Variants in PSD3 observed in about 807,000 individuals in gnomAD.
PSD3 encodes the protein pleckstrin and Sec7 domain containing 3.
Under a neutral mutation model 105.5 loss-of-function variants are expected in PSD3, and 49 were observed. The observed-to-expected ratio is 0.46, with a 90% CI of 0.37 to 0.59. The LOEUF is 0.59. Ranked by LOEUF, PSD3 falls within the 20% of genes least tolerant of loss-of-function variation. The pLI is 0.00. For missense variants in PSD3, 1,561 were observed against 1,263.8 expected (o/e 1.24, Z -3.57); for synonymous variants, 557 against 457.8 (o/e 1.22, Z -2.77).
chr8:18,750,150 T>A (rs985324508), intron 9 of PSD3, among the ~76,000 whole-genome samples: 1 of 152,214 alleles, frequency 6.6e-6, no homozygotes, highest in Non-Finnish European at 1.5e-5. Flanking sequence ...TCCTATTTAA[T>A]AGTTCAAGTC....
At chr8:18,616,778 C>T (rs11775556) in intron 11 of PSD3, among the ~76,000 whole-genome samples, 85,543 of 149,668 alleles carry the variant, frequency 0.57, 24,868 homozygotes, top group Middle Eastern at 0.76. Context: ...CGCCCGCCAC[C>T]ACGCCCGGCT....
At chr8:19,004,540 T>C (rs964453430) in intron 1 of PSD3, among the ~76,000 whole-genome samples, 1 of 152,152 alleles carries the variant, frequency 6.6e-6, no homozygotes, top group Middle Eastern at 3.4e-3. Context: ...ATATATCTGA[T>C]AGGAGACTTC....
chr8:18,567,709 C>T (rs1785359440), intron 14 of PSD3, among the ~76,000 whole-genome samples: 2 of 152,188 alleles, frequency 1.3e-5, no homozygotes, highest in Non-Finnish European at 2.9e-5. Flanking sequence ...AGCACATTTT[C>T]CTCCTCCACT....
chr8:19,081,981 CA>C (rs1248584939), intron 1 of PSD3, among the ~76,000 whole-genome samples: 1 of 152,214 alleles, frequency 6.6e-6, no homozygotes, highest in Non-Finnish European at 1.5e-5. Flanking sequence ...AGGGCATTAG[CA>C]TCCACAGTGG....
Position 18,529,272 on chromosome 8 carries a change from C to T in PSD3, c.*6471G>A, listed in dbSNP as rs1799541315. The T allele has an allele frequency of 6.6e-6, 1 of 152,212 alleles. No homozygotes were observed. Among genetic ancestry groups the T allele is most frequent in the East Asian group, 1.9e-4 (1 of 5,192 alleles). The allele number at this position is 152,212 out of a possible 1,614,324, so 9.4% of individuals were successfully genotyped here. On this transcript the variant is annotated 3_prime_UTR_variant, in exon 16 of 16. Coordinates refer to ENST00000327040, the MANE Select transcript of PSD3 (RefSeq NM_015310.4). ...AAATATAATGCATCTCAAAGTCAGACACTAGAGCTCAGATTCCACCCTGGC... is the reference window on the plus strand; with the variant it reads ...AAATATAATGCATCTCAAAGTCAGATACTAGAGCTCAGATTCCACCCTGGC...
At chr8:18,869,075 T>C (rs183688824) in intron 3 of PSD3, among the ~76,000 whole-genome samples, 10 of 152,200 alleles carry the variant, frequency 6.6e-5, no homozygotes, top group African/African-American at 2.4e-4. Flanking sequence ...AGGTCACCCA[T>C]GGGACCAAAT....
intron 11 of PSD3, among the ~76,000 whole-genome samples, chr8:18,614,344 C>G (rs988352413): frequency 2.0e-5 from 3 of 150,582 alleles, no homozygotes; most frequent in African/African-American, 7.4e-5. Context: ...CCCCCATCCC[C>G]CCCCCAAAAA....
chr8:18,665,121 A>G (rs1563154947), intron 9 of PSD3, among the ~76,000 whole-genome samples: 1 of 152,204 alleles, frequency 6.6e-6, no homozygotes, highest in Non-Finnish European at 1.5e-5. Context: ...TCTACTGCCA[A>G]GTCTTATTAT....
At chr8:18,572,465 T>C (rs553444991) in intron 14 of PSD3, 63 bp downstream of exon 14, 32 of 1,564,672 alleles carry the variant, frequency 2.0e-5, no homozygotes, top group African/African-American at 2.7e-5. Flanking sequence ...CAAAGACAAA[T>C]ATTTATCACA....
At chr8:18,803,501 T>C (rs1443853488) in intron 6 of PSD3, among the ~76,000 whole-genome samples, 1 of 151,752 alleles carries the variant, frequency 6.6e-6, no homozygotes, top group East Asian at 1.9e-4. Flanking sequence ...TCCACTCATG[T>C]TCACAGCAGC....
At chr8:18,938,204 CAG>C (rs1822280286) in intron 1 of PSD3, among the ~76,000 whole-genome samples, 1 of 152,136 alleles carries the variant, frequency 6.6e-6, no homozygotes, top group African/African-American at 2.4e-5. Context: ...CAAGAAGCAG[CAG>C]AGATATCAGC....
intron 1 of PSD3, chr8:18,989,378 G>T (rs1825673863): frequency 6.6e-6 from 1 of 152,164 alleles, no homozygotes; most frequent in South Asian, 2.1e-4. Context: ...AACAAAAAGA[G>T]ACCAGAAGGA....
chr8:18,747,280 T>A (rs1585815949), intron 9 of PSD3, among the ~76,000 whole-genome samples: 1 of 152,314 alleles, frequency 6.6e-6, no homozygotes, highest in East Asian at 1.9e-4. Context: ...AATAAGCTTT[T>A]AATTAGATAT....
In PSD3 at chr8:18,908,752, T is replaced by G. The variant is rs1412170049; in HGVS notation, c.130+27282A>C. Among the ~76,000 whole-genome samples the G allele has an allele frequency of 6.6e-5, 10 of 152,332 alleles. 1 individual carries two copies. In the East Asian group the frequency reaches 1.9e-3, roughly 29 times the overall value. ...CCTCGTATGAATGTTGTCTTGCTTGTAAGTTCATTATCTCCTTATAAGCAA... is the reference window on the plus strand; with the variant it reads ...CCTCGTATGAATGTTGTCTTGCTTGGAAGTTCATTATCTCCTTATAAGCAA... On this transcript the variant is annotated intron_variant, in intron 2 of 15. Coordinates refer to ENST00000327040, the MANE Select transcript of PSD3 (RefSeq NM_015310.4).
intron 9 of PSD3, among the ~76,000 whole-genome samples, chr8:18,661,622 T>G (rs1405212182): frequency 1.3e-5 from 2 of 152,204 alleles, no homozygotes; most frequent in Non-Finnish European, 2.9e-5. Flanking sequence ...ACTCTTTTTT[T>G]GCCCCCTCCG....
intron 9 of PSD3, among the ~76,000 whole-genome samples, chr8:18,748,469 G>C (rs1231223414): frequency 6.6e-6 from 1 of 151,858 alleles, no homozygotes; most frequent in Non-Finnish European, 1.5e-5. Flanking sequence ...GACTATCCTG[G>C]CTAACACGGT....
At chr8:18,747,780 T>G (rs1805149546) in intron 9 of PSD3, among the ~76,000 whole-genome samples, 1 of 150,528 alleles carries the variant, frequency 6.6e-6, no homozygotes, top group Non-Finnish European at 1.5e-5. Flanking sequence ...AGAGAGCAAC[T>G]CCAAGAAAAG....
chr8:19,084,164 C>A (rs1240933345), intron 1 of PSD3: 1 of 408,572 alleles, frequency 2.4e-6, no homozygotes, highest in South Asian at 1.8e-5. Flanking sequence ...TGTCCCCTGG[C>A]TCCCTTTCTT....
rs375073925 is a variant in PSD3 at position 18,536,237 on chromosome 8, C to A, written c.2929-279G>T. 5.9e-5 allele frequency among the ~76,000 whole-genome samples: 9 copies of A among 152,286 alleles called. No individual in the cohort carries two copies. The East Asian group carries it at 1.2e-3, about 20-fold the overall frequency. The stretch of plus-strand genomic sequence containing the variant: ...GAGTTGCTGGCTACCAGATGGAACA[C>A]CATGAATCTAGAACACTCAGGCATG... On this transcript the variant is annotated intron_variant, in intron 15 of 15. Transcript: ENST00000327040.
Sources: allele counts gnomAD v4.1 joint callset (sites outside exome capture counted in the v4.1 genomes callset), GRCh38; gene constraint gnomAD v4.1.1; transcripts MANE v1.5; gene names NCBI Gene and HGNC (gene_info 2026-07-23, HGNC 2026-07-21).